The following ATXN7L1 variants were observed in gnomAD, a reference collection of about 807,000 sequenced individuals.
ATXN7L1 encodes the protein ataxin-7-like protein 1.
Under a neutral mutation model 70.8 loss-of-function variants are expected in ATXN7L1, and 15 were observed. The observed-to-expected ratio is 0.21, with a 90% confidence interval of 0.14 to 0.33. The LOEUF is 0.33. Ranked by LOEUF, ATXN7L1 falls within the 10% of genes least tolerant of loss-of-function variation. ATXN7L1 has a pLI of 1.00. For synonymous variants in ATXN7L1, 440 were observed against 445.1 expected (o/e 0.99, Z 0.14); for missense variants, 975 against 1,097.1 (o/e 0.89, Z 1.57).
intron 4 of ATXN7L1, among the ~76,000 whole-genome samples, chr7:105,662,035 C>CTTCCTTCCTTCT (rs1241195902): frequency 1.2e-4 from 10 of 86,138 alleles, no homozygotes; most frequent in African/African-American, 1.6e-4. Context: ...TCTTTCCTTC[C>CTTCCTTCCTTCT]TTCCTTCCTT....
rs898030060 is a variant in ATXN7L1 at position 105,876,422 on chromosome 7, G to A, written c.137C>T (p.Pro46Leu). 3.1e-6 allele frequency: 5 copies of A among 1,612,754 alleles called. No homozygotes were observed. The highest frequency in any genetic ancestry group is 1.7e-5 in the Admixed American group (1 of 59,882). ...VPSPEAFLGK[P>L]WSSWIDAAKL... is the part of the protein sequence containing the mutation. ...GGCGGCGTCGATCCAGGAGGACCAGGGTTTGCCCAGAAACGCCTCCGGACT... is the reference window on the plus strand; with the variant it reads ...GGCGGCGTCGATCCAGGAGGACCAGAGTTTGCCCAGAAACGCCTCCGGACT... The change falls in exon 1 of 12, where the codon CCC becomes CTC. Residue 46 changes from proline to leucine, a missense_variant. Coordinates refer to ENST00000419735, the MANE Select transcript of ATXN7L1 (RefSeq NM_020725.2).
chr7:105,702,080 C>T (rs1792530845), intron 3 of ATXN7L1, among the ~76,000 whole-genome samples: 1 of 152,154 alleles, frequency 6.6e-6, no homozygotes, highest in South Asian at 2.1e-4. Flanking sequence ...TTTCCTAAGC[C>T]AGAGTCAATT....
At chr7:105,798,574 C>T (rs1806336389) in intron 2 of ATXN7L1, among the ~76,000 whole-genome samples, 2 of 152,234 alleles carry the variant, frequency 1.3e-5, no homozygotes, top group Non-Finnish European at 2.9e-5. Context: ...GTGCAAAGGG[C>T]TCCCCTTGGC....
chr7:105,632,795 C>T (rs1008751176), intron 7 of ATXN7L1, among the ~76,000 whole-genome samples: 2 of 151,758 alleles, frequency 1.3e-5, no homozygotes, highest in East Asian at 3.9e-4. Context: ...GTGGCTTGCA[C>T]CTGTAGTCCC....
rs1225844523 is a variant in ATXN7L1 at position 105,607,769 on chromosome 7, C to A, written c.*83G>T. ...GAAAACAGACTCTCCCCCCAGCCCA[C>A]TCCCCTCCCTCCTCCTCCCCATGGC... On this transcript the variant is annotated 3_prime_UTR_variant, in exon 12 of 12. Transcript: ENST00000419735. The A allele has an allele frequency of 7.7e-6, 10 of 1,305,708 alleles. No individual in the cohort carries two copies. The highest frequency in any genetic ancestry group is 1.5e-5 in the African/African-American group (1 of 67,870). 80.9% of individuals were successfully genotyped at this position (1,305,708 alleles called of 1,614,324 possible). A position where few individuals can be genotyped will look rare whatever the true frequency, so the allele number is the denominator to read the frequency against.
chr7:105,649,148 C>T (rs1194379922), intron 4 of ATXN7L1, among the ~76,000 whole-genome samples: 3 of 152,194 alleles, frequency 2.0e-5, no homozygotes, highest in South Asian at 2.1e-4. Flanking sequence ...CACGATTGTC[C>T]TTTCTTTGTG....
At chr7:105,767,991 G>C (rs539768324) in intron 3 of ATXN7L1, among the ~76,000 whole-genome samples, 1 of 152,178 alleles carries the variant, frequency 6.6e-6, no homozygotes, top group African/African-American at 2.4e-5. Flanking sequence ...ACGTCTAAAC[G>C]TTTGTTTTGT....
intron 6 of ATXN7L1, 86 bp from the exon 7 acceptor site, chr7:105,638,695 T>C: frequency 1.4e-6 from 2 of 1,438,802 alleles, no homozygotes; most frequent in African/African-American, 2.9e-5. Flanking sequence ...GAAATAGCAA[T>C]TCATGGAAAT....
intron 4 of ATXN7L1, among the ~76,000 whole-genome samples, chr7:105,655,852 G>A (rs770961966): frequency 6.6e-5 from 10 of 152,216 alleles, no homozygotes; most frequent in Non-Finnish European, 1.3e-4. Context: ...CGCCTACCTG[G>A]GGAGAGGGAG....
chr7:105,682,687 C>CAT (rs141135781), intron 3 of ATXN7L1, among the ~76,000 whole-genome samples: 13 of 151,466 alleles, frequency 8.6e-5, no homozygotes, highest in African/African-American at 1.7e-4. Context: ...CACAAAAGGT[C>CAT]ATATATATAT....
intron 3 of ATXN7L1, among the ~76,000 whole-genome samples, chr7:105,700,318 C>G (rs1426505255): frequency 6.6e-6 from 1 of 151,846 alleles, no homozygotes; most frequent in East Asian, 1.9e-4. Flanking sequence ...CCAGCCTGGC[C>G]GACATGGTGA....
At chr7:105,842,500 A>T (rs1813375380) in intron 2 of ATXN7L1, among the ~76,000 whole-genome samples, 1 of 152,134 alleles carries the variant, frequency 6.6e-6, no homozygotes, top group Non-Finnish European at 1.5e-5. Flanking sequence ...CACTTAACAT[A>T]ATGTTTTCAA....
rs749477592 is a variant in ATXN7L1 at position 105,662,019 on chromosome 7, TTTCTTTCTTTCCTTCCTTCCTTCCTTCC to T, written c.578+3019_578+3046del. ...TTCTTTAGATTCTTTCTTTTCTTTC[TTTCTTTCTTTCCTTCCTTCCTTCCTTCC>T]TTCCTTCCTTCCTTCCTTCCTTCCT... is the stretch of plus-strand genomic sequence containing the variant. On this transcript the variant is annotated intron_variant, in intron 4 of 11. Transcript: ENST00000419735. Among the ~76,000 whole-genome samples, 356 of 77,978 alleles carry T rather than the reference TTTCTTTCTTTCCTTCCTTCCTTCCTTCC, an allele frequency of 4.6e-3. 4 individuals carry two copies. The highest frequency in any genetic ancestry group is 0.014 in the African/African-American group (326 of 23,312). The allele number at this position is 77,978 out of a possible 152,430, so 51.2% of individuals were successfully genotyped here.
At chr7:105,782,458 T>A (rs1803670101) in intron 3 of ATXN7L1, among the ~76,000 whole-genome samples, 1 of 152,214 alleles carries the variant, frequency 6.6e-6, no homozygotes, top group Non-Finnish European at 1.5e-5. Flanking sequence ...TAGGAAGCCA[T>A]CCCTAATGGG....
chr7:105,723,723 G>A (rs1490923331), intron 3 of ATXN7L1, among the ~76,000 whole-genome samples: 3 of 152,094 alleles, frequency 2.0e-5, no homozygotes, highest in Admixed American at 2.0e-4. Context: ...TGAAGGCAGC[G>A]GAGCGAGGTC....
chr7:105,737,144 G>C (rs1797471644), intron 3 of ATXN7L1, among the ~76,000 whole-genome samples: 1 of 152,150 alleles, frequency 6.6e-6, no homozygotes, highest in Admixed American at 6.5e-5. Context: ...CCACCTCTTT[G>C]GGGACATTTT....
intron 2 of ATXN7L1, among the ~76,000 whole-genome samples, chr7:105,841,785 G>C (rs1813248344): frequency 6.6e-6 from 1 of 152,140 alleles, no homozygotes; most frequent in Non-Finnish European, 1.5e-5. Context: ...AACTATCACA[G>C]TATGTACGTA....
intron 2 of ATXN7L1, among the ~76,000 whole-genome samples, chr7:105,809,473 G>A (rs544349046): frequency 5.8e-4 from 88 of 152,106 alleles, no homozygotes; most frequent in Non-Finnish European, 8.8e-4. Flanking sequence ...CTGCTTCTAC[G>A]AGTCAACTGC....
chr7:105,666,950 A>G (rs1802698764), intron 3 of ATXN7L1, among the ~76,000 whole-genome samples: 1 of 152,170 alleles, frequency 6.6e-6, no homozygotes, highest in African/African-American at 2.4e-5. Context: ...TTATCTGTGA[A>G]TGAAGTGGGT....
Sources: gnomAD v4.1 joint callset for allele counts (sites outside exome capture counted in the v4.1 genomes callset) on GRCh38, gnomAD v4.1.1 for gene constraint, MANE v1.5 for transcripts, NCBI Gene and HGNC (gene_info 2026-07-23, HGNC 2026-07-21) for gene names.